The following SMG1 variants were observed in gnomAD, a reference collection of about 807,000 sequenced individuals.
SMG1 encodes the protein SMG1 nonsense mediated mRNA decay associated PI3K related kinase, also known as serine/threonine-protein kinase SMG1.
SMG1 carries 22 observed loss-of-function variants against 419.9 expected under a neutral mutation model. The observed-to-expected ratio is 0.05, with a 90% confidence interval of 0.04 to 0.07. The LOEUF is 0.07. SMG1 is among the 10% of genes least tolerant of loss of function. The pLI is 1.00. For synonymous variants in SMG1, 1,538 were observed against 1,553.5 expected (o/e 0.99, Z 0.23); for missense variants, 3,185 against 4,342.0 (o/e 0.73, Z 7.49).
At chr16:18,852,596 A>G in intron 31 of SMG1, 134 bp from the exon 32 acceptor site, 2 of 702,854 alleles carry the variant, frequency 2.8e-6, no homozygotes, top group Middle Eastern at 4.2e-4. Flanking sequence ...ATATTACTGT[A>G]CATAACTTGA....
In SMG1 at chr16:18,860,572, A is replaced by G. The variant is rs1267153528; in HGVS notation, c.3805+95T>C. The G allele has an allele frequency of 1.2e-4, 76 of 641,306 alleles. No homozygotes were observed. The East Asian group carries it at 2.1e-3, about 18-fold the overall frequency. 39.7% of individuals were successfully genotyped at this position (641,306 alleles called of 1,614,324 possible). A position where few individuals can be genotyped will look rare whatever the true frequency, so the allele number is the denominator to read the frequency against. ...TGGGATTCTGCCCCCACAAAAATGT[A>G]AAATAACTTCCAGATTTTCCAGTAA... On this transcript the variant is annotated intron_variant, in intron 26 of 62. Coordinates refer to ENST00000446231, the MANE Select transcript of SMG1 (RefSeq NM_015092.5).
chr16:18,833,177 A>G lies in SMG1; in HGVS notation c.8566-11T>C, dbSNP rs2033323541. The G allele has an allele frequency of 1.9e-6, 3 of 1,607,704 alleles. No individual in the cohort carries two copies. Among genetic ancestry groups the G allele is most frequent in the Non-Finnish European group, 2.6e-6 (3 of 1,175,576 alleles). ...ATTCGAATTCAATTCCTATAAATAT[A>G]TGAGAAAAAAACTTTTAATGTTTTT... On this transcript the variant is annotated splice_polypyrimidine_tract_variant and intron_variant, in intron 50 of 62. Transcript: ENST00000446231.
At chr16:18,830,514 C>T (rs1476465239) in intron 51 of SMG1, 145 bp from the exon 52 acceptor site, 9 of 917,590 alleles carry the variant, frequency 9.8e-6, no homozygotes, top group South Asian at 5.2e-5. Flanking sequence ...TTAGGCCGGG[C>T]GCGGTGGCTC....
chr16:18,923,421 G>C (rs2038272634), intron 1 of SMG1, among the ~76,000 whole-genome samples: 1 of 152,198 alleles, frequency 6.6e-6, no homozygotes, highest in Non-Finnish European at 1.5e-5. Flanking sequence ...AAAGCAGGCG[G>C]ATCACCTGAG....
chr16:18,817,620 C>A, intron 56 of SMG1, 150 bp from the exon 57 acceptor site: 1 of 644,644 alleles, frequency 1.6e-6, no homozygotes, highest in South Asian at 2.1e-5. Context: ...TAGACCAAAA[C>A]CTTATAAAGG....
chr16:18,887,897 G>A (rs2036703884), intron 6 of SMG1, among the ~76,000 whole-genome samples: 1 of 150,664 alleles, frequency 6.6e-6, no homozygotes, highest in African/African-American at 2.4e-5. Context: ...CAGGTGTGGT[G>A]GCTCATGACA....
At chr16:18,880,711 CAA>C (rs1173545168) in intron 10 of SMG1, among the ~76,000 whole-genome samples, 2 of 51,866 alleles carry the variant, frequency 3.9e-5, no homozygotes, top group African/African-American at 1.1e-4. Flanking sequence ...ACCATGTCTC[CAA>C]AAAAAAAAGG....
At chr16:18,814,069 A>AT (rs1458914222) in intron 60 of SMG1, among the ~76,000 whole-genome samples, 2 of 143,468 alleles carry the variant, frequency 1.4e-5, no homozygotes, top group African/African-American at 5.5e-5. Context: ...AAAAAAAAAT[A>AT]AAATAAAATA....
At chr16:18,883,166 G>A (rs1368512911) in intron 9 of SMG1, among the ~76,000 whole-genome samples, 2 of 152,148 alleles carry the variant, frequency 1.3e-5, no homozygotes, top group Non-Finnish European at 2.9e-5. Flanking sequence ...AATCTTTATG[G>A]GAGCCTTGAT....
intron 1 of SMG1, among the ~76,000 whole-genome samples, chr16:18,903,955 T>C (rs1452138014): frequency 6.8e-6 from 1 of 146,366 alleles, no homozygotes; most frequent in Non-Finnish European, 1.5e-5. Context: ...TTTTTTTTTT[T>C]GAGATGTAGT....
chr16:18,841,902 A>G (rs1165893030), intron 40 of SMG1, 108 bp from the exon 41 acceptor site: 2 of 906,352 alleles, frequency 2.2e-6, no homozygotes, highest in East Asian at 4.8e-5. Flanking sequence ...ACAGTCCATG[A>G]GGCACACTGA....
chr16:18,878,516 A>G (rs755366039), intron 11 of SMG1: 1 of 152,008 alleles, frequency 6.6e-6, no homozygotes, highest in African/African-American at 2.4e-5. Flanking sequence ...GCTGAGTGGG[A>G]AGATCACTTG....
At chr16:18,856,151 C>A (rs2141432836) in intron 29 of SMG1, among the ~76,000 whole-genome samples, 1 of 150,554 alleles carries the variant, frequency 6.6e-6, no homozygotes, top group African/African-American at 2.5e-5. Context: ...ATCAGGTGCC[C>A]TCGTTATTTG....
chr16:18,838,543 T>C lies in SMG1; in HGVS notation c.7084+8A>G, dbSNP rs1198919235. ...CCCTCATAAATGTAAAGTCTACTTT[T>C]ATATTACCTTTTTCAAAGCAAACAT... On this transcript the variant is annotated splice_region_variant and intron_variant, in intron 43 of 62. Coordinates refer to ENST00000446231, the MANE Select transcript of SMG1 (RefSeq NM_015092.5). 6.2e-7 allele frequency: 1 copy of C among 1,613,858 alleles called. No homozygotes were observed.
chr16:18,838,817 A>C, intron 42 of SMG1, 128 bp from the exon 43 acceptor site: 2 of 671,088 alleles, frequency 3.0e-6, no homozygotes, highest in African/African-American at 1.8e-5. Flanking sequence ...AAATCAACAA[A>C]TAAAAAGCAT....
At chr16:18,904,039 G>A (rs1465406369) in intron 1 of SMG1, among the ~76,000 whole-genome samples, 2 of 143,158 alleles carry the variant, frequency 1.4e-5, no homozygotes, top group African/African-American at 5.2e-5. Context: ...CCGGATTCAC[G>A]CCATTCTCCT....
At chr16:18,837,902 AC>A in intron 45 of SMG1, 111 bp downstream of exon 45, 1 of 1,045,160 alleles carries the variant, frequency 9.6e-7, no homozygotes, top group Non-Finnish European at 1.4e-6. Flanking sequence ...TCAATATTAT[AC>A]ATTAGTTTTG....
At chr16:18,880,074 T>C (rs1411340919) in intron 10 of SMG1, among the ~76,000 whole-genome samples, 1 of 152,182 alleles carries the variant, frequency 6.6e-6, no homozygotes, top group Non-Finnish European at 1.5e-5. Context: ...AGCATGGGAA[T>C]AGCCTGCCCA....
chr16:18,887,672 TAA>T (rs368196825), intron 6 of SMG1, among the ~76,000 whole-genome samples: 912 of 65,668 alleles, frequency 0.014, 36 homozygotes, highest in African/African-American at 0.062. Flanking sequence ...ACTTTTTATT[TAA>T]AAAAAAAAAA....
Sources: gnomAD v4.1 joint callset for allele counts (sites outside exome capture counted in the v4.1 genomes callset) on GRCh38, gnomAD v4.1.1 for gene constraint, MANE v1.5 for transcripts, NCBI Gene and HGNC (gene_info 2026-07-23, HGNC 2026-07-21) for gene names.